PARP14: variants seen among roughly 807,000 people sequenced by gnomAD.
PARP14 encodes protein mono-ADP-ribosyltransferase PARP14.
A neutral mutation model predicts 154.2 loss-of-function variants in PARP14; 59 were observed. That is an observed-to-expected ratio of 0.38 (90% CI 0.31 to 0.48). The LOEUF is 0.48. Among genes scored for constraint, PARP14 ranks in the 20% least tolerant of loss-of-function variants. The pLI is 0.98. For synonymous variants in PARP14, 720 were observed against 780.5 expected (o/e 0.92, Z 1.29); for missense variants, 1,734 against 2,131.6 (o/e 0.81, Z 3.67).
In PARP14 at chr3:122,681,209, G is replaced by T. The variant is rs1576576230; in HGVS notation, c.187+139G>T. The T allele has an allele frequency of 5.3e-6, 3 of 565,208 alleles. No individual in the cohort carries two copies. Among genetic ancestry groups the T allele is most frequent in the East Asian group, 3.4e-5 (1 of 29,814 alleles). The allele number at this position is 565,208 out of a possible 1,614,324, so 35.0% of individuals were successfully genotyped here. ...CGGAGGTGGCCGGGGCGGGGGCGGG[G>T]GCGGGGGCGGCAGAATGGATTCCGA... On this transcript the variant is annotated intron_variant, in intron 1 of 16. Transcript: ENST00000474629. This position sits in a 1 kb window ranked among gnomAD's most constrained non-coding sequence, Gnocchi z 5.5.
At chr3:122,707,731 G>A (rs1442522876) in intron 8 of PARP14, among the ~76,000 whole-genome samples, 2 of 152,150 alleles carry the variant, frequency 1.3e-5, no homozygotes, top group South Asian at 2.1e-4. Context: ...CCAGGAGGTC[G>A]AGGCTGCAGT....
At chr3:122,723,148 C>G (rs937894204) in intron 15 of PARP14, among the ~76,000 whole-genome samples, 2 of 152,092 alleles carry the variant, frequency 1.3e-5, no homozygotes, top group African/African-American at 4.8e-5. Flanking sequence ...CCATGTTGGC[C>G]AGGCTGGTCT....
Position 122,728,524 on chromosome 3 carries a change from A to G in PARP14, c.5333A>G (p.His1778Arg). 1 of 1,613,786 alleles carries G rather than the reference A, an allele frequency of 6.2e-7. No individual in the cohort carries two copies. The highest frequency in any genetic ancestry group is 8.5e-7 in the Non-Finnish European group (1 of 1,179,704). ...DLYDTVTDNV[H>R]HPSLFVAFYD... is the part of the protein sequence containing the mutation. ...TATGACACTGTCACAGATAATGTGC[A>G]CCATCCAAGTTTATTTGTGGCATTT... Residue 1778 changes from histidine (H) to arginine (R), a missense_variant, in exon 17 of 17, where the codon CAC becomes CGC. Coordinates refer to ENST00000474629, the MANE Select transcript of PARP14 (RefSeq NM_017554.3).
At position 122,718,716 on chromosome 3, in the gene PARP14, A is replaced by G. The variant is rs1933069073; in HGVS notation, c.4565A>G (p.Lys1522Arg). The G allele has an allele frequency of 1.1e-5, 18 of 1,613,572 alleles. No individual in the cohort carries two copies. Among genetic ancestry groups the G allele is most frequent in the Non-Finnish European group, 1.5e-5 (18 of 1,179,654 alleles). The change falls in exon 14 of 17, where the codon AAA becomes AGA. Residue 1522 changes from lysine to arginine, a missense_variant. Around this residue, in one of 2 missense-constraint regions of PARP14, gnomAD observed 1,646 missense variants for 1,976.0 expected, o/e 0.83. Transcript: ENST00000474629. ...EAMIKRVRLA[K>R]EQESRADCIS... ...ATGATCAAGAGAGTTCGATTGGCCA[A>G]AGAACAGGAATCCCGGGCAGATTGT...
intron 16 of PARP14, 96 bp from the exon 17 acceptor site, chr3:122,728,212 G>A (rs1370804376): frequency 9.2e-6 from 11 of 1,190,262 alleles, no homozygotes; most frequent in African/African-American, 1.5e-5. Flanking sequence ...AAAATTTTAA[G>A]AGAGGCTTTA....
rs772978257 is a variant in PARP14 at position 122,692,388 on chromosome 3, C to T, written c.443C>T (p.Ser148Phe). The change falls in exon 4 of 17, where the codon TCC becomes TTC. Residue 148 changes from serine (S) to phenylalanine (F), a missense_variant. Transcript: ENST00000474629. ...ATCCCAGAGGAATGTGAAAATATTTCCTCTTTGGTGGCATTTGAAAACCTC... is the reference window on the plus strand; with the variant it reads ...ATCCCAGAGGAATGTGAAAATATTTTCTCTTTGGTGGCATTTGAAAACCTC... ...EDIPEECENI[S>F]SLVAFENLKA... 7 of 1,613,632 alleles carry T rather than the reference C, an allele frequency of 4.3e-6. No individual in the cohort carries two copies. The Admixed American group carries it at 1.2e-4, about 27-fold the overall frequency.
In PARP14 at chr3:122,703,952, A is replaced by G. The variant is rs571205676; in HGVS notation, c.3292A>G (p.Arg1098Gly). 6.2e-7 allele frequency: 1 copy of G among 1,613,676 alleles called. No homozygotes were observed. The highest frequency in any genetic ancestry group is 8.5e-7 in the Non-Finnish European group (1 of 1,179,586). The change falls in exon 7 of 17, where the codon AGA (arginine) becomes GGA (glycine). Residue 1098 changes from arginine (R) to glycine (G), a missense_variant. Coordinates refer to ENST00000474629, the MANE Select transcript of PARP14 (RefSeq NM_017554.3). ...YVLHVVAPEWRNGSTSSLKIM... is the reference protein window; with the variant it reads ...YVLHVVAPEWGNGSTSSLKIM... ...GCTTCACGTGGTAGCTCCGGAGTGGAGAAATGGTAGCACATCTTCACTCAA... is the reference window on the plus strand; with the variant it reads ...GCTTCACGTGGTAGCTCCGGAGTGGGGAAATGGTAGCACATCTTCACTCAA...
At chr3:122,712,656 T>C (rs1424136001) in intron 9 of PARP14, among the ~76,000 whole-genome samples, 1 of 151,850 alleles carries the variant, frequency 6.6e-6, no homozygotes, top group African/African-American at 2.4e-5. Context: ...GGGGCTCAGG[T>C]GATCCTCCTA....
Position 122,701,312 on chromosome 3 carries a change from G to A in PARP14, c.2758G>A (p.Ala920Thr), listed in dbSNP as rs76527325. The stretch of plus-strand genomic sequence containing the variant: ...CAAGTACCGATCCATAGCCATCCCA[G>A]CTATTAGTTCTGGAGTCTTTGGCTT... Reference protein sequence around the residue: ...KYKYRSIAIPAISSGVFGFPL... With the variant: ...KYKYRSIAIPTISSGVFGFPL... Residue 920 changes from alanine (A) to threonine (T), a missense_variant, in exon 6 of 17, where the codon GCT (alanine) becomes ACT (threonine). Transcript: ENST00000474629. The surrounding 1 kb of genome is among the most constrained non-coding windows in gnomAD (Gnocchi z 4.0). The A allele has an allele frequency of 6.2e-7, 1 of 1,614,026 alleles. No individual in the cohort carries two copies. The highest frequency in any genetic ancestry group is 8.5e-7 in the Non-Finnish European group (1 of 1,179,882).
chr3:122,681,019 C>T lies in PARP14; in HGVS notation c.136C>T (p.Gln46Ter), dbSNP rs1234210481. 1 of 1,613,676 alleles carries T rather than the reference C, an allele frequency of 6.2e-7. No individual in the cohort carries two copies. The highest frequency in any genetic ancestry group is 1.3e-5 in the African/African-American group (1 of 74,892). ...RSGGGECEVR[Q>*]DPRSPSRFLV... ...GGGAGGCGGCGAGTGTGAGGTCCGC[C>T]AGGATCCCAGGAGCCCATCCCGCTT... The change falls in exon 1 of 17, where the codon CAG (glutamine) becomes TAG (stop). Residue 46 changes from glutamine to a stop codon, truncating the protein, a stop_gained. Coordinates refer to ENST00000474629, the MANE Select transcript of PARP14 (RefSeq NM_017554.3). LOFTEE classifies it high-confidence loss of function. This position sits in a 1 kb window ranked among gnomAD's most constrained non-coding sequence, Gnocchi z 5.5.
At position 122,695,524 on chromosome 3, in the gene PARP14, G is replaced by C; in HGVS notation, c.697G>C (p.Glu233Gln). 1 of 1,609,712 alleles carries C rather than the reference G, an allele frequency of 6.2e-7. No homozygotes were observed. The highest frequency in any genetic ancestry group is 8.5e-7 in the Non-Finnish European group (1 of 1,176,914). ...LLEVTNTIRVENLPPGADDYS... is the reference protein window; with the variant it reads ...LLEVTNTIRVQNLPPGADDYS... Reference sequence around the variant, plus strand: ...GGAAGTGACAAACACAATCAGGGTTGAAAACCTGCCACCTGGTGCTGATGA... The same window carrying C: ...GGAAGTGACAAACACAATCAGGGTTCAAAACCTGCCACCTGGTGCTGATGA... The change falls in exon 5 of 17, where the codon GAA becomes CAA. Residue 233 changes from glutamate (E) to glutamine (Q), a missense_variant. Transcript: ENST00000474629.
At chr3:122,715,649 TC>T (rs1392518372) in intron 12 of PARP14, among the ~76,000 whole-genome samples, 6 of 148,524 alleles carry the variant, frequency 4.0e-5, no homozygotes, top group Non-Finnish European at 9.0e-5. Context: ...TATCTATCTA[TC>T]TATCGATCTG....
chr3:122,720,600 A>G, intron 15 of PARP14: 1 of 603,064 alleles, frequency 1.7e-6, no homozygotes, highest in Non-Finnish European at 3.0e-6. Context: ...ATTTGATTGT[A>G]ATATGATAGA....
intron 9 of PARP14, among the ~76,000 whole-genome samples, chr3:122,709,061 G>T (rs1031020338): frequency 2.6e-5 from 4 of 151,890 alleles, no homozygotes; most frequent in South Asian, 4.1e-4. Flanking sequence ...TTATTATTAT[G>T]ATTATTTCAA....
rs2288618 is a variant in PARP14 at position 122,704,409 on chromosome 3, A to G, written c.3319-118A>G. On this transcript the variant is annotated intron_variant, in intron 7 of 16. Transcript: ENST00000474629. Reference sequence around the variant, plus strand: ...TTCTTTCCTCTTCTGATTGCCCTTAATCAGTGTTGACAGCAAAAAGGAGTA... The same window carrying G: ...TTCTTTCCTCTTCTGATTGCCCTTAGTCAGTGTTGACAGCAAAAAGGAGTA... 0.099 allele frequency: 62,664 copies of G among 635,122 alleles called. 3,512 individuals carry two copies. The highest frequency in any genetic ancestry group is 0.14 in the East Asian group (5,099 of 36,268). 39.3% of individuals were successfully genotyped at this position (635,122 alleles called of 1,614,324 possible).
chr3:122,692,256 A>G (rs1451529793), intron 3 of PARP14, 45 bp from the exon 4 acceptor site: 1 of 1,554,740 alleles, frequency 6.4e-7, no homozygotes, highest in Non-Finnish European at 8.8e-7. Flanking sequence ...AGACCATGGT[A>G]GATAAGTATA....
At position 122,695,370 on chromosome 3, in the gene PARP14, C is replaced by T. The variant is rs74684486; in HGVS notation, c.599-56C>T. On this transcript the variant is annotated intron_variant, in intron 4 of 16. Coordinates refer to ENST00000474629, the MANE Select transcript of PARP14 (RefSeq NM_017554.3). Reference sequence around the variant, plus strand: ...TAGCCAGACATTTTCTTCTATACAACATAAAGATACAATAAAAATTTACTG... The same window carrying T: ...TAGCCAGACATTTTCTTCTATACAATATAAAGATACAATAAAAATTTACTG... 8.0e-4 allele frequency: 699 copies of T among 873,418 alleles called. 3 individuals carry two copies. In the African/African-American group the frequency reaches 0.011, roughly 14 times the overall value. The allele number at this position is 873,418 out of a possible 1,614,324, so 54.1% of individuals were successfully genotyped here.
In PARP14 at chr3:122,700,880, C is replaced by A. The variant is rs763065942; in HGVS notation, c.2326C>A (p.Gln776Lys). The part of the protein sequence containing the change: ...KRLFGCYIEL[Q>K]ENEVMKEGGS... Reference sequence around the variant, plus strand: ...GTTGTTTGGTTGTTACATTGAACTACAGGAGAATGAAGTAATGAAGGAGGG... The same window carrying A: ...GTTGTTTGGTTGTTACATTGAACTAAAGGAGAATGAAGTAATGAAGGAGGG... Residue 776 changes from glutamine (Q) to lysine (K), a missense_variant, in exon 6 of 17, where the codon CAG becomes AAG. Gln to Lys is a moderately conservative substitution (Grantham distance 53, BLOSUM62 1). Transcript: ENST00000474629. The A allele has an allele frequency of 1.2e-6, 2 of 1,614,004 alleles. No individual in the cohort carries two copies.
intron 15 of PARP14, chr3:122,720,969 T>C: frequency 6.0e-6 from 2 of 335,862 alleles, no homozygotes; most frequent in South Asian, 4.2e-5. Flanking sequence ...TATTTTGGCA[T>C]CTTCTTCCAT....
Sources: gnomAD v4.1 joint callset for allele counts (sites outside exome capture counted in the v4.1 genomes callset) on GRCh38, gnomAD v4.1.1 for gene constraint, gnomAD v4.1.1 regional missense constraint, Gnocchi (gnomAD v3.1) non-coding constraint, MANE v1.5 for transcripts, NCBI Gene and HGNC (gene_info 2026-07-23, HGNC 2026-07-21) for gene names.